Variants in GLP2R observed in about 807,000 individuals in gnomAD.
GLP2R encodes glucagon like peptide 2 receptor.
Under a neutral mutation model 68.2 loss-of-function variants are expected in GLP2R, and 59 were observed. The observed-to-expected ratio is 0.87, with a 90% CI of 0.70 to 1.07. GLP2R has a LOEUF of 1.07. GLP2R is among the 50% of genes least tolerant of loss of function. GLP2R has a pLI of 0.00. For synonymous variants in GLP2R, 270 were observed against 265.4 expected (o/e 1.02, Z -0.17); for missense variants, 548 against 677.4 (o/e 0.81, Z 2.12).
In GLP2R at chr17:9,882,134, A is replaced by G. The variant is rs572988904; in HGVS notation, c.1284+1618A>G. ...GGAGTCTATGTTACTTTTGTCTGGG[A>G]CTGCTTTTGTTCTCTAATCCCTGCT... is the stretch of plus-strand genomic sequence containing the variant. On this transcript the variant is annotated intron_variant, in intron 11 of 12. Transcript: ENST00000262441. 1.8e-4 allele frequency among the ~76,000 whole-genome samples: 28 copies of G among 152,174 alleles called. No homozygotes were observed. The South Asian group carries it at 5.8e-3, about 32-fold the overall frequency.
intron 11 of GLP2R, among the ~76,000 whole-genome samples, chr17:9,884,981 T>C (rs2067229539): frequency 6.6e-6 from 1 of 152,014 alleles, no homozygotes; most frequent in Admixed American, 6.6e-5. Context: ...CTGATCTCAC[T>C]CACCCAAGGC....
chr17:9,879,286 TA>T (rs1303113713), intron 10 of GLP2R, among the ~76,000 whole-genome samples: 2 of 56,698 alleles, frequency 3.5e-5, no homozygotes, highest in Non-Finnish European at 6.0e-5. Context: ...TAAAATAAAA[TA>T]AAATAAATAA....
chr17:9,843,954 C>T (rs1460022938), intron 4 of GLP2R, among the ~76,000 whole-genome samples: 6 of 152,006 alleles, frequency 3.9e-5, no homozygotes, highest in East Asian at 1.9e-4. Context: ...ACAGTGTGAT[C>T]GTTGCTGGGA....
chr17:9,861,949 G>T, intron 8 of GLP2R, 72 bp from the exon 9 acceptor site: 1 of 1,008,912 alleles, frequency 9.9e-7, no homozygotes, highest in Non-Finnish European at 1.6e-6. Context: ...CTTCCAGAGA[G>T]CATGAGGCTT....
intron 1 of GLP2R, among the ~76,000 whole-genome samples, chr17:9,831,101 T>C (rs2066675733): frequency 6.6e-6 from 1 of 152,204 alleles, no homozygotes; most frequent in Admixed American, 6.5e-5. Flanking sequence ...GTCGGCTGTG[T>C]GATTGTTGCT....
rs777592593 is a variant in GLP2R at position 9,887,986 on chromosome 17, C to T, written c.1326+13C>T. 5.6e-6 allele frequency: 9 copies of T among 1,596,648 alleles called. No homozygotes were observed. Among genetic ancestry groups the T allele is most frequent in the African/African-American group, 1.3e-5 (1 of 74,542 alleles). On this transcript the variant is annotated intron_variant, in intron 12 of 12. Transcript: ENST00000262441. ...TGCCAATGGAGAGGTATGATTTCCA[C>T]GTTGCCATCCTGGTTTCATGTGAGG... is the stretch of plus-strand genomic sequence containing the variant.
chr17:9,840,075 C>T (rs2066771575), intron 3 of GLP2R, among the ~76,000 whole-genome samples: 1 of 151,278 alleles, frequency 6.6e-6, no homozygotes, highest in African/African-American at 2.4e-5. Context: ...CTCCTGGGCT[C>T]AAACAATTCT....
At chr17:9,885,938 G>A (rs565535779) in intron 11 of GLP2R, among the ~76,000 whole-genome samples, 2 of 152,334 alleles carry the variant, frequency 1.3e-5, no homozygotes, top group South Asian at 2.1e-4. Flanking sequence ...GCTGAGGAAC[G>A]TGAGGAATCA....
intron 4 of GLP2R, chr17:9,853,171 A>C (rs975894389): frequency 4.5e-5 from 19 of 421,710 alleles, no homozygotes; most frequent in East Asian, 1.6e-4. Context: ...TCAAACTGAC[A>C]ATTCTTAAAG....
intron 1 of GLP2R, among the ~76,000 whole-genome samples, chr17:9,829,175 A>C (rs2066658566): frequency 6.6e-6 from 1 of 152,130 alleles, no homozygotes; most frequent in Admixed American, 6.5e-5. Context: ...TGTTATCCCC[A>C]CACCACTCTC....
chr17:9,836,039 C>CAAAAAAA (rs10706067), intron 2 of GLP2R, among the ~76,000 whole-genome samples: 37 of 87,062 alleles, frequency 4.2e-4, no homozygotes, highest in East Asian at 1.1e-3. Context: ...ACTCCATCTC[C>CAAAAAAA]AAAAAAAAAA....
chr17:9,842,209 G>A (rs1358522791), intron 3 of GLP2R, among the ~76,000 whole-genome samples: 1 of 152,164 alleles, frequency 6.6e-6, no homozygotes, highest in Non-Finnish European at 1.5e-5. Context: ...TCTCCCAGCT[G>A]GGCTGAACCT....
chr17:9,870,589 A>G (rs915486978), intron 9 of GLP2R, among the ~76,000 whole-genome samples, 158 bp from the exon 10 acceptor site: 3 of 152,086 alleles, frequency 2.0e-5, no homozygotes, highest in African/African-American at 7.2e-5. Flanking sequence ...GACAGTGGAG[A>G]TCACAGCTAA....
intron 9 of GLP2R, among the ~76,000 whole-genome samples, chr17:9,864,562 A>G (rs986897074): frequency 1.3e-5 from 2 of 151,810 alleles, no homozygotes; most frequent in Non-Finnish European, 2.9e-5. Context: ...TTGCTTTGTC[A>G]CCCAGGCTGG....
At chr17:9,881,196 T>G (rs1226639200) in intron 11 of GLP2R, among the ~76,000 whole-genome samples, 4 of 152,190 alleles carry the variant, frequency 2.6e-5, no homozygotes, top group African/African-American at 9.6e-5. Context: ...CTCACATGAC[T>G]GGTGCCTAAG....
At chr17:9,837,295 A>G (rs1037983385) in intron 3 of GLP2R, among the ~76,000 whole-genome samples, 1 of 152,112 alleles carries the variant, frequency 6.6e-6, no homozygotes, top group Non-Finnish European at 1.5e-5. Flanking sequence ...TCTGGCAACC[A>G]TCCTTCTACT....
At chr17:9,857,865 T>C (rs890888430) in intron 6 of GLP2R, among the ~76,000 whole-genome samples, 1 of 152,250 alleles carries the variant, frequency 6.6e-6, no homozygotes, top group Admixed American at 6.5e-5. Flanking sequence ...TATTTTACAA[T>C]TATAGCTGGC....
chr17:9,866,307 G>A (rs961213198), intron 9 of GLP2R: 9 of 180,438 alleles, frequency 5.0e-5, no homozygotes, highest in Admixed American at 4.8e-4. Context: ...GACCCCTGGG[G>A]ACATTTGGCT....
intron 11 of GLP2R, 72 bp from the exon 12 acceptor site, chr17:9,887,860 G>T (rs753661884): frequency 2.5e-5 from 27 of 1,084,984 alleles, no homozygotes; most frequent in Non-Finnish European, 3.7e-5. Context: ...CAGGGCTTTG[G>T]ACGTTGCCAG....
Sources: gnomAD v4.1 joint callset for allele counts (sites outside exome capture counted in the v4.1 genomes callset) on GRCh38, gnomAD v4.1.1 for gene constraint, MANE v1.5 for transcripts, NCBI Gene and HGNC (gene_info 2026-07-23, HGNC 2026-07-21) for gene names.